The following BBS9 variants were observed in gnomAD, a reference collection of about 807,000 sequenced individuals.
The protein encoded by BBS9 is Bardet-Biedl syndrome 9, also known as protein PTHB1.
In BBS9, 89 loss-of-function variants were observed where a neutral mutation model predicts 117.7. The observed-to-expected ratio is 0.76, with a 90% CI of 0.64 to 0.90. BBS9 has a LOEUF of 0.90. Ranked by LOEUF, BBS9 falls within the 40% of genes least tolerant of loss-of-function variation. BBS9 has a pLI of 0.00. For missense variants in BBS9, 982 were observed against 1,042.2 expected, an observed-to-expected ratio of 0.94 and a Z score of 0.80; for synonymous variants, 379 against 370.9, an observed-to-expected ratio of 1.02 and a Z score of -0.25.
intron 19 of BBS9, among the ~76,000 whole-genome samples, chr7:33,477,438 T>C (rs114658607): frequency 2.2e-3 from 341 of 152,314 alleles, no homozygotes; most frequent in African/African-American, 7.9e-3. Context: ...TTGTTTACTG[T>C]GCATCTGGCT....
intron 1 of BBS9, among the ~76,000 whole-genome samples, chr7:33,141,072 G>C (rs779286812): frequency 2.0e-5 from 3 of 152,044 alleles, no homozygotes; most frequent in Non-Finnish European, 4.4e-5. Flanking sequence ...CATCAAATTT[G>C]TTTTTTTCGT....
chr7:33,367,987 C>A, intron 17 of BBS9, 125 bp downstream of exon 17: 1 of 792,770 alleles, frequency 1.3e-6, no homozygotes, highest in South Asian at 1.4e-5. Flanking sequence ...AACTAAAAGC[C>A]ATGATATTAA....
chr7:33,283,595 T>G (rs1802320309), intron 9 of BBS9, among the ~76,000 whole-genome samples: 1 of 152,198 alleles, frequency 6.6e-6, no homozygotes, highest in South Asian at 2.1e-4. Flanking sequence ...TTTCTTTTAT[T>G]TCACTGATAC....
chr7:33,203,654 G>C (rs1786323291), intron 5 of BBS9, among the ~76,000 whole-genome samples: 1 of 152,068 alleles, frequency 6.6e-6, no homozygotes, highest in South Asian at 2.1e-4. Flanking sequence ...TCTGTAGGTT[G>C]CATGTAACAA....
At chr7:33,450,314 G>T (rs78464769) in intron 19 of BBS9, among the ~76,000 whole-genome samples, 1 of 152,074 alleles carries the variant, frequency 6.6e-6, no homozygotes, top group Non-Finnish European at 1.5e-5. Flanking sequence ...TGGCAATTGC[G>T]AATAATGCCG....
intron 5 of BBS9, among the ~76,000 whole-genome samples, chr7:33,251,471 G>A (rs530126910): frequency 3.9e-5 from 6 of 152,278 alleles, no homozygotes; most frequent in Middle Eastern, 3.4e-3. Context: ...ATGAGGAGAG[G>A]GGAATGGATA....
chr7:33,626,331 T>C (rs1439892188), intron 21 of BBS9, among the ~76,000 whole-genome samples: 2 of 152,184 alleles, frequency 1.3e-5, no homozygotes, highest in Non-Finnish European at 2.9e-5. Context: ...TTATAAATTA[T>C]CCAGTCTCAT....
Position 33,561,165 on chromosome 7 carries a change from C to T in BBS9, c.2521+26989C>T, listed in dbSNP as rs2129113807. Among the ~76,000 whole-genome samples the T allele has an allele frequency of 1.3e-5, 2 of 152,260 alleles. 1 individual carries two copies. The highest frequency in any genetic ancestry group is 4.1e-4 in the South Asian group (2 of 4,824). On this transcript the variant is annotated intron_variant, in intron 21 of 22. Coordinates refer to ENST00000242067, the MANE Select transcript of BBS9 (RefSeq NM_198428.3). ...AATCTGTGTGATCTTAGTAAGCCAC[C>T]TAATACACTGAAGAAGAATTGATGG... is the stretch of plus-strand genomic sequence containing the variant.
chr7:33,339,503 GGAATGCCT>G (rs1260081557), intron 10 of BBS9, among the ~76,000 whole-genome samples: 5 of 152,152 alleles, frequency 3.3e-5, no homozygotes, highest in Non-Finnish European at 7.3e-5. Context: ...CAGTTTGGTG[GGAATGCCT>G]GATAGCAGTT....
chr7:33,209,057 AT>A (rs930599762), intron 5 of BBS9, among the ~76,000 whole-genome samples: 1 of 151,972 alleles, frequency 6.6e-6, no homozygotes, highest in Non-Finnish European at 1.5e-5. Flanking sequence ...TATTCTTTCT[AT>A]TTTTTTGTAC....
chr7:33,353,025 TGGAGA>T, intron 15 of BBS9, 152 bp downstream of exon 15: 2 of 749,056 alleles, frequency 2.7e-6, no homozygotes, highest in Non-Finnish European at 4.4e-6. Context: ...GATTCTGCTA[TGGAGA>T]GCATAGTAGA....
intron 5 of BBS9, among the ~76,000 whole-genome samples, chr7:33,225,337 A>G (rs1212541890): frequency 2.6e-5 from 4 of 152,132 alleles, no homozygotes; most frequent in Admixed American, 2.6e-4. Flanking sequence ...AGTTGGGACC[A>G]CTGGTACCTG....
chr7:33,182,371 G>A (rs889937412), intron 5 of BBS9, among the ~76,000 whole-genome samples: 34 of 152,120 alleles, frequency 2.2e-4, no homozygotes, highest in African/African-American at 7.7e-4. Context: ...GTGCAGATAA[G>A]GTGTGACTCT....
intron 4 of BBS9, among the ~76,000 whole-genome samples, chr7:33,175,076 A>C (rs2003582): frequency 0.019 from 2,881 of 152,250 alleles, 49 homozygotes; most frequent in Non-Finnish European, 0.029. Context: ...GGCCGAGGCG[A>C]GTGGAACACC....
At chr7:33,413,221 C>T (rs1009922932) in intron 19 of BBS9, among the ~76,000 whole-genome samples, 1 of 152,174 alleles carries the variant, frequency 6.6e-6, no homozygotes, top group African/African-American at 2.4e-5. Context: ...TGCAGTCTCA[C>T]TCCTACTGTC....
chr7:33,489,045 T>G (rs1187574029), intron 19 of BBS9, among the ~76,000 whole-genome samples: 1 of 140,608 alleles, frequency 7.1e-6, no homozygotes, highest in Non-Finnish European at 1.5e-5. Context: ...CAGGCTGGAG[T>G]GCAATGGCAT....
intron 19 of BBS9, among the ~76,000 whole-genome samples, chr7:33,465,272 T>C (rs1297005243): frequency 1.3e-5 from 2 of 150,204 alleles, no homozygotes; most frequent in Non-Finnish European, 3.0e-5. Context: ...TTTTTTTTTT[T>C]CAGCTTCCTC....
chr7:33,374,924 C>A (rs931156624), intron 17 of BBS9, among the ~76,000 whole-genome samples: 19 of 134,946 alleles, frequency 1.4e-4, no homozygotes, highest in African/African-American at 4.1e-4. Flanking sequence ...AAAAAAAAAA[C>A]CTATTGAAAT....
intron 21 of BBS9, among the ~76,000 whole-genome samples, chr7:33,549,095 C>A (rs1335775945): frequency 6.7e-6 from 1 of 149,124 alleles, no homozygotes; most frequent in Non-Finnish European, 1.5e-5. Flanking sequence ...ATCAATGGAA[C>A]AGAACAGAGC....
Sources: allele counts gnomAD v4.1 joint callset (sites outside exome capture counted in the v4.1 genomes callset), GRCh38; gene constraint gnomAD v4.1.1; transcripts MANE v1.5; gene names NCBI Gene and HGNC (gene_info 2026-07-23, HGNC 2026-07-21).